ESR1: variants seen among roughly 807,000 people sequenced by gnomAD.
ESR1 encodes estrogen receptor.
Under a neutral mutation model 52.7 loss-of-function variants are expected in ESR1, and 12 were observed. That is an observed-to-expected ratio of 0.23 (90% confidence interval 0.15 to 0.37). The LOEUF (loss-of-function observed/expected upper bound fraction) is 0.37. Among genes scored for constraint, ESR1 ranks in the 10% least tolerant of loss-of-function variants. The probability of loss-of-function intolerance (pLI) is 1.00; values close to 1 mark genes in which losing one functional copy is unlikely to be tolerated. For synonymous variants in ESR1, 305 were observed against 316.8 expected (o/e 0.96, Z 0.39); for missense variants, 584 against 779.7 (o/e 0.75, Z 2.99).
At chr6:152,015,527 TG>T (rs773981792) in intron 5 of ESR1, among the ~76,000 whole-genome samples, 11 of 152,320 alleles carry the variant, frequency 7.2e-5, no homozygotes, top group Middle Eastern at 3.4e-3. Context: ...TTGTTCGTCT[TG>T]TGTGATCTCC....
chr6:151,725,097 A>T (rs990513400), intron 2 of ESR1, among the ~76,000 whole-genome samples: 1 of 152,198 alleles, frequency 6.6e-6, no homozygotes, highest in Admixed American at 6.5e-5. Context: ...TTTGTGTGTG[A>T]TCCCACGGAA....
chr6:151,771,542 A>T (rs528789418), intron 2 of ESR1, among the ~76,000 whole-genome samples: 1 of 152,188 alleles, frequency 6.6e-6, no homozygotes, highest in Non-Finnish European at 1.5e-5. Flanking sequence ...ATAAAATTGT[A>T]TTTTTTCAAA....
At chr6:152,067,344 C>T (rs73781083) in intron 6 of ESR1, among the ~76,000 whole-genome samples, 14,180 of 152,180 alleles carry the variant, frequency 0.093, 1,460 homozygotes, top group African/African-American at 0.26. Context: ...TGTCGAAAGA[C>T]GGGAAATCCT....
At chr6:151,837,860 G>A (rs1783623413) in intron 1 of ESR1, among the ~76,000 whole-genome samples, 1 of 152,176 alleles carries the variant, frequency 6.6e-6, no homozygotes, top group Non-Finnish European at 1.5e-5. Flanking sequence ...TGCTAAAGAA[G>A]TAGGTAAACC....
intron 1 of ESR1, among the ~76,000 whole-genome samples, chr6:151,657,394 A>G (rs1417119428): frequency 6.6e-6 from 1 of 152,188 alleles, no homozygotes; most frequent in East Asian, 1.9e-4. Flanking sequence ...TTGTTAAGTT[A>G]AATATTTTGG....
chr6:151,842,933 A>G (rs1328506961), intron 2 of ESR1, 146 bp downstream of exon 2: 4 of 698,336 alleles, frequency 5.7e-6, no homozygotes, highest in East Asian at 5.4e-5. Flanking sequence ...TGGTAGAAAC[A>G]TGGAGAAGAG....
intron 2 of ESR1, among the ~76,000 whole-genome samples, chr6:151,859,519 C>G (rs965599010): frequency 4.6e-5 from 7 of 152,108 alleles, no homozygotes; most frequent in Non-Finnish European, 1.0e-4. Flanking sequence ...TGCAACCAGA[C>G]CTTAGTGATC....
chr6:152,122,517 G>A (rs772954024), intron 6 of ESR1: 6 of 1,614,224 alleles, frequency 3.7e-6, no homozygotes, highest in Non-Finnish European at 5.1e-6. Context: ...CACAGCTGTA[G>A]TCTTCCTCTG....
chr6:151,848,969 C>G (rs1052353591), intron 2 of ESR1, among the ~76,000 whole-genome samples: 1 of 151,934 alleles, frequency 6.6e-6, no homozygotes, highest in Non-Finnish European at 1.5e-5. Context: ...TTTTGCTATT[C>G]CCCCCAACAC....
intron 2 of ESR1, among the ~76,000 whole-genome samples, chr6:151,784,854 A>G (rs1786871698): frequency 6.6e-6 from 1 of 152,146 alleles, no homozygotes; most frequent in South Asian, 2.1e-4. Flanking sequence ...GGCTGGTGCA[A>G]TTGCAGAGGT....
At chr6:151,965,834 T>A (rs1438019795) in intron 4 of ESR1, among the ~76,000 whole-genome samples, 1 of 113,770 alleles carries the variant, frequency 8.8e-6, no homozygotes, top group Admixed American at 1.0e-4. Flanking sequence ...AGGTTTATAA[T>A]AGCTACTGTT....
At chr6:151,998,479 G>A (rs1306798589) in intron 4 of ESR1, among the ~76,000 whole-genome samples, 1 of 152,012 alleles carries the variant, frequency 6.6e-6, no homozygotes, top group Non-Finnish European at 1.5e-5. Context: ...AAGCCAAGAT[G>A]AGGGCAAATG....
At chr6:151,692,391 G>A (rs1251997720) in intron 1 of ESR1, among the ~76,000 whole-genome samples, 1 of 152,156 alleles carries the variant, frequency 6.6e-6, no homozygotes, top group African/African-American at 2.4e-5. Flanking sequence ...TTGGGCTGAC[G>A]GCCTGGTGGT....
chr6:151,809,929 T>G (rs1026318433), intron 1 of ESR1, among the ~76,000 whole-genome samples: 7 of 152,104 alleles, frequency 4.6e-5, no homozygotes, highest in Admixed American at 2.6e-4. Context: ...ACACAACATT[T>G]AAAACTGCTT....
At chr6:151,905,699 T>A (rs757208886) in intron 3 of ESR1, among the ~76,000 whole-genome samples, 1 of 152,168 alleles carries the variant, frequency 6.6e-6, no homozygotes, top group African/African-American at 2.4e-5. Context: ...TATTTCTCCA[T>A]ATTTGGGCAT....
chr6:151,865,428 T>G (rs1583792298), intron 2 of ESR1, among the ~76,000 whole-genome samples: 1 of 152,176 alleles, frequency 6.6e-6, no homozygotes, highest in Non-Finnish European at 1.5e-5. Flanking sequence ...ATAGCAGTCA[T>G]CAACGGACAT....
intron 1 of ESR1, among the ~76,000 whole-genome samples, chr6:151,669,948 A>T (rs1387991960): frequency 3.9e-5 from 6 of 152,194 alleles, no homozygotes; most frequent in Non-Finnish European, 8.8e-5. Flanking sequence ...GCAAATTTAG[A>T]TCCACGACAA....
chr6:151,907,794 T>C lies in ESR1; in HGVS notation c.760+27023T>C, dbSNP rs149257442. Among the ~76,000 whole-genome samples the C allele has an allele frequency of 6.2e-3, 950 of 152,296 alleles. 10 individuals are homozygous for C. Among genetic ancestry groups the C allele is most frequent in the African/African-American group, 0.02 (846 of 41,584 alleles). ...ACTTTTTCATGACTTTCGCCATATA[T>C]TGTCAAAATGGAACCAATGGTGATT... On this transcript the variant is annotated intron_variant, in intron 3 of 7. Transcript: ENST00000206249.
chr6:151,717,224 C>G (rs1781119048), intron 2 of ESR1, among the ~76,000 whole-genome samples: 1 of 152,200 alleles, frequency 6.6e-6, no homozygotes, highest in Non-Finnish European at 1.5e-5. Context: ...GAGCTGGGTA[C>G]CTCAGTTGGA....
Sources: allele counts gnomAD v4.1 joint callset (sites outside exome capture counted in the v4.1 genomes callset), GRCh38; gene constraint gnomAD v4.1.1; transcripts MANE v1.5; gene names NCBI Gene and HGNC (gene_info 2026-07-23, HGNC 2026-07-21).